The following IL1RAPL1 variants were observed in gnomAD, a reference collection of about 807,000 sequenced individuals.
The protein encoded by IL1RAPL1 is interleukin-1 receptor accessory protein-like 1.
Under a neutral mutation model 48.4 loss-of-function variants are expected in IL1RAPL1, and 3 were observed. The ratio of observed to expected loss-of-function variants is 0.06; its 90% CI spans 0.03 to 0.16. The LOEUF (loss-of-function observed/expected upper bound fraction) is 0.16, where lower values mean the gene tolerates loss of function less well. Among genes scored for constraint, IL1RAPL1 ranks in the 10% least tolerant of loss-of-function variants. IL1RAPL1 has a pLI of 1.00. For synonymous variants in IL1RAPL1, 185 were observed against 187.7 expected, an observed-to-expected ratio of 0.99 and a Z score of 0.12; for missense variants, 349 against 530.6, an observed-to-expected ratio of 0.66 and a Z score of 3.36.
rs192850859 is a variant in IL1RAPL1 at position 29,861,344 on chromosome X, T to G, written c.779-56120T>G. ...CCCCCAGAGAAATGCAATCCAAATC[T>G]CTAAGGATAAAACTCAGGTGTCAGT... On this transcript the variant is annotated intron_variant, in intron 6 of 10. Coordinates refer to ENST00000378993, the MANE Select transcript of IL1RAPL1 (RefSeq NM_014271.4). 6.6e-4 allele frequency among the ~76,000 whole-genome samples: 73 copies of G among 111,421 alleles called. 1 individual carries two copies. The highest frequency in any genetic ancestry group is 4.7e-4 in the Non-Finnish European group (25 of 53,057).
chrX:29,682,125 T>C (rs939534820), intron 6 of IL1RAPL1, among the ~76,000 whole-genome samples: 1 of 111,983 alleles, frequency 8.9e-6, no homozygotes, highest in Non-Finnish European at 1.9e-5. Flanking sequence ...ATAATTCTTG[T>C]GTATGTGTGG....
At chrX:29,890,909 A>C (rs1230480029) in intron 6 of IL1RAPL1, among the ~76,000 whole-genome samples, 1 of 111,958 alleles carries the variant, frequency 8.9e-6, no homozygotes, top group Non-Finnish European at 1.9e-5. Context: ...TAGTGTCCTA[A>C]ATTTGCTTTT....
intron 6 of IL1RAPL1, among the ~76,000 whole-genome samples, chrX:29,777,896 A>C (rs938431493): frequency 1.3e-4 from 14 of 107,638 alleles, no homozygotes; most frequent in Non-Finnish European, 2.5e-4. Flanking sequence ...CTTCATTTTC[A>C]ATGTTTATTA....
chrX:28,615,199 GT>G (rs778402885), intron 1 of IL1RAPL1, among the ~76,000 whole-genome samples: 46 of 26,028 alleles, frequency 1.8e-3, no homozygotes, highest in East Asian at 5.9e-3. Context: ...ACTGTTGTCT[GT>G]TTTTTTTTTT....
intron 6 of IL1RAPL1, among the ~76,000 whole-genome samples, chrX:29,909,808 T>C (rs1396456934): frequency 8.9e-6 from 1 of 112,193 alleles, no homozygotes; most frequent in East Asian, 2.8e-4. Context: ...GCTTATATAC[T>C]GCTGGTGGGA....
intron 6 of IL1RAPL1, among the ~76,000 whole-genome samples, chrX:29,730,943 A>G (rs1039512873): frequency 1.8e-5 from 2 of 112,237 alleles, no homozygotes; most frequent in Admixed American, 1.9e-4. Flanking sequence ...TTCTTTGTCC[A>G]TCAGCATATC....
chrX:29,612,031 G>C (rs1407482981), intron 5 of IL1RAPL1, among the ~76,000 whole-genome samples: 1 of 111,029 alleles, frequency 9.0e-6, no homozygotes, highest in Non-Finnish European at 1.9e-5. Flanking sequence ...ATGTGTACAG[G>C]ATAGGGGGGC....
At chrX:29,640,686 T>G (rs1925138266) in intron 5 of IL1RAPL1, among the ~76,000 whole-genome samples, 1 of 111,936 alleles carries the variant, frequency 8.9e-6, no homozygotes, top group South Asian at 3.7e-4. Flanking sequence ...ACCTTGAAAG[T>G]GGATTCAGTA....
chrX:29,636,925 A>AT (rs1336912552), intron 5 of IL1RAPL1, among the ~76,000 whole-genome samples: 1 of 109,723 alleles, frequency 9.1e-6, no homozygotes, highest in African/African-American at 3.3e-5. Context: ...CAGGTGGCAC[A>AT]TGCCTGTAAT....
intron 6 of IL1RAPL1, among the ~76,000 whole-genome samples, chrX:29,766,582 A>G (rs1928915537): frequency 1.0e-5 from 1 of 95,849 alleles, no homozygotes; most frequent in East Asian, 3.1e-4. Context: ...TATGTCCTCC[A>G]CCCAAATTTA....
In IL1RAPL1 at chrX:29,678,342, C is replaced by CTTTTTTT. The variant is rs140827802; in HGVS notation, c.778+9863_778+9869dup. Among the ~76,000 whole-genome samples the CTTTTTTT allele has an allele frequency of 9.6e-5, 4 of 41,708 alleles. 1 individual carries two copies. Among genetic ancestry groups the CTTTTTTT allele is most frequent in the African/African-American group, 1.3e-4 (1 of 7,696 alleles). 36.2% of individuals were successfully genotyped at this position (41,708 alleles called of 115,157 possible). ...TTCACCACACACAAGTTCAACACTACTTTTTTTTTTTTTTTTTTTTTTTTT... is the reference window on the plus strand; with the variant it reads ...TTCACCACACACAAGTTCAACACTACTTTTTTTTTTTTTTTTTTTTTTTTTTTTTTTT... On this transcript the variant is annotated intron_variant, in intron 6 of 10. Transcript: ENST00000378993.
intron 3 of IL1RAPL1, among the ~76,000 whole-genome samples, chrX:29,285,878 G>A (rs1389267776): frequency 8.1e-5 from 9 of 111,579 alleles, no homozygotes; most frequent in Non-Finnish European, 1.7e-4. Context: ...CGTGAGAGGA[G>A]CTCAAGGGCT....
In IL1RAPL1 at chrX:28,966,405, G is replaced by T. The variant is rs771599772; in HGVS notation, c.82+176980G>T. 3.6e-5 allele frequency among the ~76,000 whole-genome samples: 4 copies of T among 111,982 alleles called. No individual in the cohort carries two copies. The South Asian group carries it at 1.1e-3, about 31-fold the overall frequency. On this transcript the variant is annotated intron_variant, in intron 2 of 10. Coordinates refer to ENST00000378993, the MANE Select transcript of IL1RAPL1 (RefSeq NM_014271.4). ...TACAACAGGGAAGAAGGGTGACTGTGAGAGTGCCAAACTTTGCTGCTGGAA... is the reference window on the plus strand; with the variant it reads ...TACAACAGGGAAGAAGGGTGACTGTTAGAGTGCCAAACTTTGCTGCTGGAA...
chrX:28,987,950 A>G (rs1002553720), intron 2 of IL1RAPL1, among the ~76,000 whole-genome samples: 1 of 112,066 alleles, frequency 8.9e-6, no homozygotes, highest in African/African-American at 3.2e-5. Context: ...AAAGGGCTAT[A>G]TTGCAGCAAA....
chrX:28,749,312 A>AT (rs1465330281), intron 1 of IL1RAPL1, among the ~76,000 whole-genome samples: 2 of 111,214 alleles, frequency 1.8e-5, no homozygotes, highest in Non-Finnish European at 3.8e-5. Flanking sequence ...TGGTAGTTTT[A>AT]TTTTTAATTT....
chrX:29,634,658 A>T (rs990014576), intron 5 of IL1RAPL1, among the ~76,000 whole-genome samples: 1 of 111,116 alleles, frequency 9.0e-6, no homozygotes, highest in Non-Finnish European at 1.9e-5. Context: ...GGTGTCTCCA[A>T]ATGAAAATAT....
At chrX:28,768,749 CTCTCTCTATA>C (rs1357135503) in intron 1 of IL1RAPL1, among the ~76,000 whole-genome samples, 40 of 69,799 alleles carry the variant, frequency 5.7e-4, no homozygotes, top group African/African-American at 2.1e-3. Flanking sequence ...CTCTCTCTCT[CTCTCTCTATA>C]TATATATATA....
At chrX:29,445,887 C>T (rs977860324) in intron 5 of IL1RAPL1, among the ~76,000 whole-genome samples, 28 of 112,006 alleles carry the variant, frequency 2.5e-4, no homozygotes, top group African/African-American at 8.7e-4. Context: ...GGAAGATGAC[C>T]TTTACCATTG....
intron 5 of IL1RAPL1, among the ~76,000 whole-genome samples, chrX:29,620,614 A>G (rs950731315): frequency 6.2e-5 from 7 of 112,332 alleles, no homozygotes; most frequent in Non-Finnish European, 9.4e-5. Flanking sequence ...AGTTTACTAA[A>G]TAAGACAATA....
Sources: allele counts gnomAD v4.1 joint callset (sites outside exome capture counted in the v4.1 genomes callset), GRCh38; gene constraint gnomAD v4.1.1; transcripts MANE v1.5; gene names NCBI Gene and HGNC (gene_info 2026-07-23, HGNC 2026-07-21).